Variants in CDH13 observed in about 807,000 individuals in gnomAD.
CDH13 encodes the protein cadherin-13.
CDH13 carries 24 observed loss-of-function variants against 63.8 expected under a neutral mutation model. That is an observed-to-expected ratio of 0.38 (90% CI 0.27 to 0.53). The LOEUF is 0.53. Among genes scored for constraint, CDH13 ranks in the 20% least tolerant of loss-of-function variants. The pLI is 0.85. For synonymous variants in CDH13, 503 were observed against 355.3 expected (o/e 1.42, Z -4.67); for missense variants, 1,049 against 903.1 (o/e 1.16, Z -2.07).
At chr16:83,618,899 A>G (rs1166696225) in intron 8 of CDH13, among the ~76,000 whole-genome samples, 1 of 152,204 alleles carries the variant, frequency 6.6e-6, no homozygotes, top group Non-Finnish European at 1.5e-5. Context: ...TTGTGAGATT[A>G]AACAAAATAA....
intron 7 of CDH13, among the ~76,000 whole-genome samples, chr16:83,531,374 A>AT (rs2075079081): frequency 6.6e-6 from 1 of 152,206 alleles, no homozygotes; most frequent in Admixed American, 6.5e-5. Flanking sequence ...GCTCCCCCAG[A>AT]CACCCAAGTC....
chr16:82,680,526 G>A (rs1197925431), intron 1 of CDH13, among the ~76,000 whole-genome samples: 1 of 152,100 alleles, frequency 6.6e-6, no homozygotes, highest in Non-Finnish European at 1.5e-5. Context: ...GATTATTTCT[G>A]CGCTCCAAAG....
At chr16:83,067,431 C>G (rs1367593344) in intron 3 of CDH13, among the ~76,000 whole-genome samples, 1 of 152,138 alleles carries the variant, frequency 6.6e-6, no homozygotes, top group Non-Finnish European at 1.5e-5. Context: ...ATCAAGGACT[C>G]AATGACAGCA....
intron 2 of CDH13, among the ~76,000 whole-genome samples, chr16:82,995,454 C>G (rs940049685): frequency 2.0e-5 from 3 of 152,168 alleles, no homozygotes; most frequent in Non-Finnish European, 2.9e-5. Context: ...AGCTGAAACG[C>G]AAACGTGGTG....
intron 1 of CDH13, among the ~76,000 whole-genome samples, chr16:82,687,239 G>A (rs562450252): frequency 1.6e-4 from 24 of 152,310 alleles, no homozygotes; most frequent in Middle Eastern, 6.8e-3. Flanking sequence ...AAAGGAGGAG[G>A]CAGGGTTTAG....
chr16:83,570,970 T>TATATAA (rs1491250945), intron 7 of CDH13, among the ~76,000 whole-genome samples: 1 of 124,310 alleles, frequency 8.0e-6, no homozygotes, highest in African/African-American at 3.2e-5. Flanking sequence ...TATATATATA[T>TATATAA]AAAAACCTTC....
At chr16:83,408,787 C>G (rs184694257) in intron 6 of CDH13, among the ~76,000 whole-genome samples, 1 of 152,122 alleles carries the variant, frequency 6.6e-6, no homozygotes, top group African/African-American at 2.4e-5. Context: ...GGTGGCTGCT[C>G]ATGTTGTCTT....
intron 7 of CDH13, among the ~76,000 whole-genome samples, chr16:83,513,551 A>G (rs2074625201): frequency 1.3e-5 from 2 of 152,184 alleles, no homozygotes; most frequent in African/African-American, 4.8e-5. Context: ...GAGACTTACA[A>G]TCATGGCAGA....
chr16:82,702,044 C>T (rs1209789488), intron 1 of CDH13, among the ~76,000 whole-genome samples: 1 of 152,144 alleles, frequency 6.6e-6, no homozygotes, highest in Non-Finnish European at 1.5e-5. Flanking sequence ...GTTCTGTCAC[C>T]CCATCCAACT....
chr16:82,676,636 T>C (rs556153427), intron 1 of CDH13, among the ~76,000 whole-genome samples: 1 of 152,248 alleles, frequency 6.6e-6, no homozygotes, highest in East Asian at 1.9e-4. Flanking sequence ...GACGATGTCA[T>C]TCATTTGATC....
At chr16:82,976,989 C>T (rs570522993) in intron 2 of CDH13, among the ~76,000 whole-genome samples, 10 of 152,326 alleles carry the variant, frequency 6.6e-5, no homozygotes, top group Admixed American at 1.3e-4. Context: ...CTATTATACA[C>T]AGTCTAATCA....
chr16:82,718,322 A>G (rs1049564925), intron 1 of CDH13, among the ~76,000 whole-genome samples: 2 of 152,148 alleles, frequency 1.3e-5, no homozygotes, highest in African/African-American at 4.8e-5. Context: ...AGTCACAGGT[A>G]TTCCCAGTAA....
chr16:82,879,121 G>C (rs1567624455), intron 2 of CDH13, among the ~76,000 whole-genome samples: 1 of 152,096 alleles, frequency 6.6e-6, no homozygotes, highest in Non-Finnish European at 1.5e-5. Context: ...TTTGCAGGCT[G>C]GGCCCATGGT....
chr16:82,812,213 T>C (rs927733787), intron 1 of CDH13, among the ~76,000 whole-genome samples: 1 of 152,100 alleles, frequency 6.6e-6, no homozygotes, highest in African/African-American at 2.4e-5. Context: ...GCATACAGAG[T>C]AACTACTTTC....
intron 4 of CDH13, among the ~76,000 whole-genome samples, chr16:83,207,781 C>G (rs114861094): frequency 6.8e-6 from 1 of 146,110 alleles, no homozygotes. Context: ...AAAAAAAAGA[C>G]TGAAGCCTAG....
chr16:82,656,918 C>CTT (rs200722234), intron 1 of CDH13, among the ~76,000 whole-genome samples: 125 of 131,028 alleles, frequency 9.5e-4, no homozygotes, highest in South Asian at 3.0e-3. Flanking sequence ...TTTGGTAGCT[C>CTT]TTTTTTTTTT....
At chr16:83,380,598 A>C (rs1233510884) in intron 6 of CDH13, among the ~76,000 whole-genome samples, 1 of 152,214 alleles carries the variant, frequency 6.6e-6, no homozygotes, top group Non-Finnish European at 1.5e-5. Context: ...TGGAGACGTC[A>C]TTTGGGACAA....
chr16:83,102,487 A>G (rs1187666857), intron 3 of CDH13, among the ~76,000 whole-genome samples: 4 of 152,166 alleles, frequency 2.6e-5, no homozygotes, highest in East Asian at 3.9e-4. Context: ...AGCTTGCAGT[A>G]ACAGGGGCAG....
chr16:82,830,306 A>T (rs1474366269), intron 1 of CDH13, among the ~76,000 whole-genome samples: 1 of 152,196 alleles, frequency 6.6e-6, no homozygotes. Flanking sequence ...GTACTATTAG[A>T]GGTACTGTGC....
Sources: gnomAD v4.1 joint callset for allele counts (sites outside exome capture counted in the v4.1 genomes callset) on GRCh38, gnomAD v4.1.1 for gene constraint, MANE v1.5 for transcripts, NCBI Gene and HGNC (gene_info 2026-07-23, HGNC 2026-07-21) for gene names.